Variants in VWF observed in about 807,000 individuals in gnomAD.
VWF encodes Factor VIII related antigen.
VWF carries 176 observed loss-of-function variants against 308.6 expected under a neutral mutation model. That is an observed-to-expected ratio of 0.57 (90% CI 0.50 to 0.65). VWF has a LOEUF of 0.65. VWF is among the 30% of genes least tolerant of loss of function. The probability of loss-of-function intolerance (pLI) is 0.00; values close to 1 mark genes in which losing one functional copy is unlikely to be tolerated. For missense variants in VWF, 3,146 were observed against 3,648.2 expected (o/e 0.86, Z 3.55); for synonymous variants, 1,385 against 1,443.4 (o/e 0.96, Z 0.92).
chr12:6,089,588 C>G (rs1945009149), intron 6 of VWF, among the ~76,000 whole-genome samples: 1 of 152,128 alleles, frequency 6.6e-6, no homozygotes, highest in East Asian at 1.9e-4. Context: ...CTCCCAGTCT[C>G]CCTCCTCAAC....
intron 38 of VWF, among the ~76,000 whole-genome samples, chr12:5,987,594 T>C (rs1943693086): frequency 6.6e-6 from 1 of 152,150 alleles, no homozygotes; most frequent in Admixed American, 6.5e-5. Flanking sequence ...ATAAGACTCA[T>C]TCGTGAAAAT....
chr12:6,044,887 T>C (rs964508544), intron 17 of VWF, among the ~76,000 whole-genome samples: 2 of 152,146 alleles, frequency 1.3e-5, no homozygotes, highest in African/African-American at 2.4e-5. Flanking sequence ...CTGACCACAA[T>C]GGCTTTAAAA....
intron 10 of VWF, among the ~76,000 whole-genome samples, chr12:6,068,834 G>A (rs1477316568): frequency 2.7e-5 from 2 of 74,876 alleles, no homozygotes; most frequent in Non-Finnish European, 5.7e-5. Flanking sequence ...TTTTTTTTTT[G>A]CGTGTGTGTG....
chr12:6,028,534 A>C (rs1944220482), intron 22 of VWF, among the ~76,000 whole-genome samples: 1 of 152,224 alleles, frequency 6.6e-6, no homozygotes, highest in African/African-American at 2.4e-5. Flanking sequence ...TCACAAAGGG[A>C]AGCCCATCAG....
intron 47 of VWF, among the ~76,000 whole-genome samples, chr12:5,965,217 T>G (rs1254001617): frequency 6.6e-6 from 1 of 152,088 alleles, no homozygotes; most frequent in African/African-American, 2.4e-5. Context: ...AGCCCCAGAG[T>G]TCACTTGTTT....
intron 48 of VWF, 124 bp from the exon 49 acceptor site, chr12:5,952,643 G>C (rs1007754649): frequency 1.5e-6 from 2 of 1,363,892 alleles, no homozygotes; most frequent in Non-Finnish European, 2.0e-6. Flanking sequence ...CAAGAAGACA[G>C]TGTATAATAA....
chr12:6,024,376 T>C lies in VWF; in HGVS notation c.3223-589A>G, dbSNP rs766900879. On this transcript the variant is annotated intron_variant, in intron 24 of 51. Transcript: ENST00000261405. The surrounding 1 kb of genome is among the most constrained non-coding windows in gnomAD (Gnocchi z 4.0). ...ACACTGGACTTTTTCAGGGCAGTTA[T>C]GACAGAAAATGAATTCAGACACTGA... Among the ~76,000 whole-genome samples, 8 of 152,206 alleles carry C rather than the reference T, an allele frequency of 5.3e-5. No individual in the cohort carries two copies. The highest frequency in any genetic ancestry group is 1.0e-4 in the Non-Finnish European group (7 of 68,040).
intron 16 of VWF, among the ~76,000 whole-genome samples, chr12:6,049,908 T>C (rs908740842): frequency 2.6e-5 from 4 of 152,206 alleles, no homozygotes; most frequent in Non-Finnish European, 5.9e-5. Flanking sequence ...AATCCTCTTT[T>C]TCTTCCTCTT....
chr12:6,039,389 A>G (rs11614912), intron 18 of VWF, among the ~76,000 whole-genome samples: 27,341 of 152,146 alleles, frequency 0.18, 2,951 homozygotes, highest in Non-Finnish European at 0.25. Flanking sequence ...CTCTCCATAC[A>G]TGAACACCAT....
At chr12:5,959,226 A>T (rs1014557348) in intron 47 of VWF, among the ~76,000 whole-genome samples, 1 of 152,196 alleles carries the variant, frequency 6.6e-6, no homozygotes, top group South Asian at 2.1e-4. Flanking sequence ...AATAAATAAA[A>T]AATAAAGGAG....
intron 16 of VWF, among the ~76,000 whole-genome samples, chr12:6,050,586 C>T (rs1403217614): frequency 2.6e-5 from 4 of 152,208 alleles, no homozygotes; most frequent in Admixed American, 1.3e-4. Flanking sequence ...ATATAGCATG[C>T]GTTCATGCCA....
intron 47 of VWF, among the ~76,000 whole-genome samples, chr12:5,965,456 G>T (rs558280714): frequency 2.1e-4 from 32 of 152,242 alleles, no homozygotes; most frequent in Admixed American, 1.4e-3. Flanking sequence ...ATTGCTCAAG[G>T]TCCACTCAGG....
intron 47 of VWF, among the ~76,000 whole-genome samples, chr12:5,965,068 G>C (rs1328004088): frequency 1.3e-5 from 2 of 152,284 alleles, no homozygotes; most frequent in South Asian, 2.1e-4. Flanking sequence ...CTGCTGGCTG[G>C]GGGTATGTGT....
rs368329035 is a variant in VWF, at chr12:6,057,856, C to A, written c.1722G>T (p.Pro574=). The change falls in exon 14 of 52, where the codon CCG becomes CCT. Residue 574 remains proline, a synonymous_variant. Coordinates refer to ENST00000261405, the MANE Select transcript of VWF (RefSeq NM_000552.5). Reference sequence around the variant, plus strand: ...GCCCCCGGGTTCACATACTCATGCGCGGGTTGAGGGCGCAGGGATCGCTGT... The same window carrying A: ...GCCCCCGGGTTCACATACTCATGCGAGGGTTGAGGGCGCAGGGATCGCTGT... ...KQHSDPCALN[P]RMTRFSEEAC... is the part of the protein sequence containing the mutation. The A allele has an allele frequency of 2.5e-6, 4 of 1,607,408 alleles. No homozygotes were observed. The highest frequency in any genetic ancestry group is 3.4e-6 in the Non-Finnish European group (4 of 1,176,768).
At chr12:6,082,643 G>C (rs1944926574) in intron 6 of VWF, among the ~76,000 whole-genome samples, 1 of 152,240 alleles carries the variant, frequency 6.6e-6, no homozygotes. Context: ...TTGCGCTGTA[G>C]CCAATCCAAC....
chr12:5,995,084 T>C (rs993521058), intron 35 of VWF, among the ~76,000 whole-genome samples: 1 of 152,128 alleles, frequency 6.6e-6, no homozygotes, highest in Non-Finnish European at 1.5e-5. Context: ...TCATCAGCTA[T>C]CGTTAGTGTT....
chr12:6,013,485 GCA>G lies in VWF; in HGVS notation c.5614_5615del (p.Cys1872LeufsTer5), dbSNP rs1944020823. 6.2e-7 allele frequency: 1 copy of G among 1,614,066 alleles called. No individual in the cohort carries two copies. The highest frequency in any genetic ancestry group is 1.3e-5 in the African/African-American group (1 of 74,926). ...TLGNSFLHKL[C>X]SGFVRICMDE... is the part of the protein sequence containing the mutation. Reference sequence around the variant, plus strand: ...GAAAGGTATTATAAGACTCACCAGAGCACAGTTTGTGGAGGAAGGAATTGCCC... The same window carrying G: ...GAAAGGTATTATAAGACTCACCAGAGCAGTTTGTGGAGGAAGGAATTGCCC... On this transcript the variant is annotated frameshift_variant, in exon 32 of 52. Coordinates refer to ENST00000261405, the MANE Select transcript of VWF (RefSeq NM_000552.5). LOFTEE classifies it high-confidence loss of function.
intron 38 of VWF, among the ~76,000 whole-genome samples, chr12:5,988,554 G>T (rs947393904): frequency 6.6e-6 from 1 of 152,130 alleles, no homozygotes; most frequent in African/African-American, 2.4e-5. Flanking sequence ...CCTGAGAATG[G>T]GTAACACACA....
At chr12:6,039,980 G>T (rs1944379529) in intron 18 of VWF, among the ~76,000 whole-genome samples, 1 of 152,130 alleles carries the variant, frequency 6.6e-6, no homozygotes, top group African/African-American at 2.4e-5. Flanking sequence ...CAGGAGCCCT[G>T]GTCTCAGAGT....
Sources: allele counts gnomAD v4.1 joint callset (sites outside exome capture counted in the v4.1 genomes callset), GRCh38; gene constraint gnomAD v4.1.1; non-coding constraint Gnocchi (gnomAD v3.1); transcripts MANE v1.5; gene names NCBI Gene and HGNC (gene_info 2026-07-23, HGNC 2026-07-21).